The following ALPK2 variants were observed in gnomAD, a reference collection of about 807,000 sequenced individuals.
ALPK2 encodes the protein alpha kinase 2.
Under a neutral mutation model 163.1 loss-of-function variants are expected in ALPK2, and 127 were observed. That is an observed-to-expected ratio of 0.78 (90% confidence interval 0.67 to 0.90). The LOEUF (loss-of-function observed/expected upper bound fraction) is 0.90. Ranked by LOEUF, ALPK2 falls within the 40% of genes least tolerant of loss-of-function variation. The probability of loss-of-function intolerance (pLI) is 0.00; values close to 1 mark genes in which losing one functional copy is unlikely to be tolerated. For missense variants in ALPK2, 2,360 were observed against 2,589.6 expected (o/e 0.91, Z 1.92); for synonymous variants, 953 against 959.1 (o/e 0.99, Z 0.12).
chr18:58,565,285 T>C (rs1225649105), intron 4 of ALPK2, among the ~76,000 whole-genome samples: 2 of 152,276 alleles, frequency 1.3e-5, no homozygotes, highest in Non-Finnish European at 2.9e-5. Context: ...GTGAAACTGC[T>C]GCATCATGGC....
intron 4 of ALPK2, among the ~76,000 whole-genome samples, chr18:58,542,561 A>G (rs140939931): frequency 3.2e-4 from 48 of 152,362 alleles, no homozygotes; most frequent in African/African-American, 1.1e-3. Flanking sequence ...ATAAAGAACT[A>G]TTGACTGTGA....
intron 1 of ALPK2, among the ~76,000 whole-genome samples, chr18:58,627,954 A>G (rs2052240346): frequency 6.6e-6 from 1 of 152,198 alleles, no homozygotes; most frequent in African/African-American, 2.4e-5. Flanking sequence ...CTTAAGGAAA[A>G]GGTTGTGGAA....
intron 1 of ALPK2, among the ~76,000 whole-genome samples, chr18:58,626,828 T>C (rs906013193): frequency 6.6e-6 from 1 of 152,036 alleles, no homozygotes; most frequent in African/African-American, 2.4e-5. Context: ...GCAGATAATG[T>C]ATAGTTTCTA....
chr18:58,552,791 T>A (rs1422383465), intron 4 of ALPK2, among the ~76,000 whole-genome samples: 1 of 152,134 alleles, frequency 6.6e-6, no homozygotes, highest in East Asian at 1.9e-4. Context: ...CAGATGAAAT[T>A]ATGAAGCCTG....
chr18:58,556,531 A>G (rs532279186), intron 4 of ALPK2, among the ~76,000 whole-genome samples: 72 of 152,208 alleles, frequency 4.7e-4, no homozygotes, highest in Non-Finnish European at 9.3e-4. Context: ...TTCTACCTTC[A>G]ATACGTGTCA....
chr18:58,496,029 CA>C (rs1217395994), intron 12 of ALPK2, among the ~76,000 whole-genome samples: 1 of 152,168 alleles, frequency 6.6e-6, no homozygotes, highest in Non-Finnish European at 1.5e-5. Flanking sequence ...ATAAATAGGG[CA>C]CCATATAATT....
intron 8 of ALPK2, among the ~76,000 whole-genome samples, chr18:58,517,730 T>G (rs1199594670): frequency 6.6e-6 from 1 of 152,222 alleles, no homozygotes; most frequent in African/African-American, 2.4e-5. Context: ...ACTTTTTTTT[T>G]GCCTCCCAAG....
intron 8 of ALPK2, among the ~76,000 whole-genome samples, chr18:58,519,702 C>T (rs1045862850): frequency 1.3e-5 from 2 of 152,124 alleles, no homozygotes; most frequent in African/African-American, 2.4e-5. Context: ...GAAAATCCTG[C>T]AGAGCAAGAG....
intron 3 of ALPK2, among the ~76,000 whole-genome samples, chr18:58,606,718 T>C (rs2052099552): frequency 6.6e-6 from 1 of 152,178 alleles, no homozygotes; most frequent in Admixed American, 6.5e-5. Context: ...TTTAGTAGCA[T>C]TGAGGATCAA....
chr18:58,532,339 G>T (rs2051620582), intron 5 of ALPK2, among the ~76,000 whole-genome samples: 1 of 152,210 alleles, frequency 6.6e-6, no homozygotes, highest in African/African-American at 2.4e-5. Flanking sequence ...CACGAGAGGG[G>T]AGAGGTTGGC....
At chr18:58,524,541 G>A (rs2051573999) in intron 6 of ALPK2, among the ~76,000 whole-genome samples, 1 of 152,166 alleles carries the variant, frequency 6.6e-6, no homozygotes, top group Non-Finnish European at 1.5e-5. Context: ...CCCTAGTGAG[G>A]TACCAACCAT....
chr18:58,531,935 CAAAAAAAAAAA>C (rs35957271), intron 5 of ALPK2, among the ~76,000 whole-genome samples: 43 of 49,616 alleles, frequency 8.7e-4, no homozygotes, highest in Admixed American at 3.9e-3. Context: ...GGCTCCGTCT[CAAAAAAAAAAA>C]AAAAAAAAAA....
chr18:58,500,779 TAAA>T (rs5825289), intron 11 of ALPK2, among the ~76,000 whole-genome samples: 3 of 145,192 alleles, frequency 2.1e-5, no homozygotes, highest in Non-Finnish European at 3.0e-5. Context: ...ACAAAAAAAT[TAAA>T]AAAAAAAAAA....
chr18:58,539,174 G>A (rs1291933098), intron 4 of ALPK2, among the ~76,000 whole-genome samples: 1 of 152,124 alleles, frequency 6.6e-6, no homozygotes, highest in African/African-American at 2.4e-5. Context: ...ATGAATAAAT[G>A]GACTTATGAT....
intron 6 of ALPK2, among the ~76,000 whole-genome samples, chr18:58,528,465 G>A (rs908439050): frequency 6.6e-6 from 1 of 152,174 alleles, no homozygotes; most frequent in Non-Finnish European, 1.5e-5. Flanking sequence ...AAGCCCAGGA[G>A]GTGGAGGCTG....
At chr18:58,607,610 G>A (rs754163793) in intron 2 of ALPK2, among the ~76,000 whole-genome samples, 171 bp from the exon 3 acceptor site, 15 of 152,230 alleles carry the variant, frequency 9.9e-5, no homozygotes, top group South Asian at 2.1e-4. Context: ...AAATAAACAC[G>A]TAATTCAGCA....
At chr18:58,574,214 C>T (rs533102260) in intron 4 of ALPK2, among the ~76,000 whole-genome samples, 8 of 151,240 alleles carry the variant, frequency 5.3e-5, no homozygotes, top group South Asian at 2.1e-4. Flanking sequence ...GAGGCTGAGG[C>T]GGGGCGGATC....
At chr18:58,488,239 G>A (rs1318476671) in intron 12 of ALPK2, among the ~76,000 whole-genome samples, 1 of 152,032 alleles carries the variant, frequency 6.6e-6, no homozygotes, top group Non-Finnish European at 1.5e-5. Context: ...CCCACCTGGA[G>A]AGGAGCTATG....
chr18:58,621,809 A>C (rs2052201878), intron 1 of ALPK2, among the ~76,000 whole-genome samples: 1 of 152,182 alleles, frequency 6.6e-6, no homozygotes. Flanking sequence ...AACAAGTAAA[A>C]GCTAACTTTT....
Sources: gnomAD v4.1 joint callset for allele counts (sites outside exome capture counted in the v4.1 genomes callset) on GRCh38, gnomAD v4.1.1 for gene constraint, MANE v1.5 for transcripts, NCBI Gene and HGNC (gene_info 2026-07-23, HGNC 2026-07-21) for gene names.